Variants in ZBTB48 observed in about 807,000 individuals in gnomAD.
ZBTB48 encodes the protein zinc finger and BTB domain containing 48.
In ZBTB48, 35 loss-of-function variants were observed where a neutral mutation model predicts 64.5. The ratio of observed to expected loss-of-function variants is 0.54; its 90% CI spans 0.41 to 0.72. The LOEUF (loss-of-function observed/expected upper bound fraction) is 0.72. Ranked by LOEUF, ZBTB48 falls within the 30% of genes least tolerant of loss-of-function variation. ZBTB48 has a pLI of 0.00. For missense variants in ZBTB48, 828 were observed against 895.3 expected (o/e 0.92, Z 0.96); for synonymous variants, 442 against 356.7 (o/e 1.24, Z -2.70).
At chr1:6,586,095 C>A in intron 4 of ZBTB48, 65 bp downstream of exon 4, 1 of 1,504,358 alleles carries the variant, frequency 6.6e-7, no homozygotes, top group Admixed American at 1.7e-5. Flanking sequence ...TTCGTGCCAT[C>A]CGGGAAGGGC....
chr1:6,581,442 A>C, intron 2 of ZBTB48, 143 bp downstream of exon 2: 1 of 923,768 alleles, frequency 1.1e-6, no homozygotes, highest in Non-Finnish European at 1.6e-6. Context: ...GGGGTGGATC[A>C]CTTTAGCTTG....
rs984024950 is a variant in ZBTB48, at chr1:6,588,173, G to T, written c.1493G>T (p.Cys498Phe). 2 of 1,614,106 alleles carry T rather than the reference G, an allele frequency of 1.2e-6. No individual in the cohort carries two copies. The highest frequency in any genetic ancestry group is 1.7e-6 in the Non-Finnish European group (2 of 1,180,038). Residue 498 changes from cysteine to phenylalanine, a missense_variant, in exon 8 of 11, where the codon TGT becomes TTT. By Grantham distance (205) the Cys-to-Phe change is radical. Transcript: ENST00000377674. ...GAGAAGCCCTTCCAGTGCCACCTCT[G>T]TGGCAAGACCTTCCGAACCCAAGGT... ...TGEKPFQCHL[C>F]GKTFRTQASL... is the part of the protein sequence containing the mutation.
At position 6,588,950 on chromosome 1, in the gene ZBTB48, G is replaced by T; in HGVS notation, c.1805G>T (p.Arg602Leu). The change falls in exon 11 of 11, where the codon CGG (arginine) becomes CTG (leucine). Residue 602 changes from arginine (R) to leucine (L), a missense_variant. Transcript: ENST00000377674. ...HLRRHMEIHD[R>L]VENYNPRQRK... ...CGGAGGCACATGGAGATCCACGACC[G>T]GGTAGAGAACTACAACCCGCGGCAG... 1 of 1,609,440 alleles carries T rather than the reference G, an allele frequency of 6.2e-7. No individual in the cohort carries two copies. Among genetic ancestry groups the T allele is most frequent in the Non-Finnish European group, 8.5e-7 (1 of 1,177,186 alleles).
rs1456912364 is a variant in ZBTB48, at chr1:6,587,590, C to T, written c.1337C>T (p.Ser446Leu). The part of the protein sequence containing the change: ...FVCEECGHRA[S>L]SRNGLQMHIK... Reference sequence around the variant, plus strand: ...TGTGAGGAGTGTGGGCACCGGGCCTCGAGCCGGAATGGCCTGCAGATGCAC... The same window carrying T: ...TGTGAGGAGTGTGGGCACCGGGCCTTGAGCCGGAATGGCCTGCAGATGCAC... Residue 446 changes from serine to leucine, a missense_variant, in exon 7 of 11, where the codon TCG (serine) becomes TTG (leucine). Physicochemically the swap from Ser to Leu is moderately radical, Grantham distance 145. Transcript: ENST00000377674. 26 of 1,613,676 alleles carry T rather than the reference C, an allele frequency of 1.6e-5. No homozygotes were observed. Among genetic ancestry groups the T allele is most frequent in the African/African-American group, 2.7e-5 (2 of 74,936 alleles).
At chr1:6,588,245 G>T (rs752167452) in intron 8 of ZBTB48, 33 bp from the exon 9 acceptor site, 10 of 1,611,574 alleles carry the variant, frequency 6.2e-6, no homozygotes, top group Non-Finnish European at 8.5e-6. Flanking sequence ...TGAGGCCAAG[G>T]CCACAGGCTG....
chr1:6,580,784 T>C lies in ZBTB48; in HGVS notation c.175T>C (p.Ser59Pro), dbSNP rs1452134908. 2 of 1,614,202 alleles carry C rather than the reference T, an allele frequency of 1.2e-6. No individual in the cohort carries two copies. Among genetic ancestry groups the C allele is most frequent in the Non-Finnish European group, 8.5e-7 (1 of 1,180,044 alleles). The change falls in exon 2 of 11, where the codon TCA becomes CCA. Residue 59 changes from serine to proline, a missense_variant. Coordinates refer to ENST00000377674, the MANE Select transcript of ZBTB48 (RefSeq NM_005341.4). This position sits in a 1 kb window ranked among gnomAD's most constrained non-coding sequence, Gnocchi z 5.2. The stretch of plus-strand genomic sequence containing the variant: ...TTTCCAGAGCCTCTACGGGGATGGC[T>C]CAGGGGGCAGTGTCGTCCTCCCTGC... ...HFFQSLYGDG[S>P]GGSVVLPAGF...
Position 6,584,064 on chromosome 1 carries a change from G to T in ZBTB48, c.932+1765G>T, listed in dbSNP as rs959739060. 1.3e-5 allele frequency among the ~76,000 whole-genome samples: 2 copies of T among 152,058 alleles called. No homozygotes were observed. Among genetic ancestry groups the T allele is most frequent in the African/African-American group, 4.8e-5 (2 of 41,414 alleles). On this transcript the variant is annotated intron_variant, in intron 3 of 10. Transcript: ENST00000377674. This position sits in a 1 kb window ranked among gnomAD's most constrained non-coding sequence, Gnocchi z 4.5. Reference sequence around the variant, plus strand: ...CCCAAAGTGCTGGGATTACAGGCGTGAGCCACCGTGCCCAGCCATTTTTTT... The same window carrying T: ...CCCAAAGTGCTGGGATTACAGGCGTTAGCCACCGTGCCCAGCCATTTTTTT...
chr1:6,584,776 G>A lies in ZBTB48; in HGVS notation c.933-1143G>A, dbSNP rs1218006431. ...TGGCTTCATGAAGTCATTTTGATGG[G>A]GGATGAAGATAGTTGCTGTAGAGGA... On this transcript the variant is annotated intron_variant, in intron 3 of 10. Transcript: ENST00000377674. This position sits in a 1 kb window ranked among gnomAD's most constrained non-coding sequence, Gnocchi z 4.5. Among the ~76,000 whole-genome samples the A allele has an allele frequency of 6.6e-6, 1 of 152,194 alleles. No individual in the cohort carries two copies. Among genetic ancestry groups the A allele is most frequent in the African/African-American group, 2.4e-5 (1 of 41,444 alleles).
rs767180942 is a variant in ZBTB48, at chr1:6,586,721, G to A, written c.1071G>A (p.Glu357=). 23 of 1,574,090 alleles carry A rather than the reference G, an allele frequency of 1.5e-5. No individual in the cohort carries two copies. The Middle Eastern group carries it at 1.0e-3, about 70-fold the overall frequency. ...TCTTCACGTGCTCTGTGTGCCAGGA[G>A]ACATTCCGCCGAAGGATGGAGCTGC... ...EQVFTCSVCQ[E]TFRRRMELRV... The change falls in exon 5 of 11, where the codon GAG becomes GAA. Residue 357 remains glutamate, a synonymous_variant. Coordinates refer to ENST00000377674, the MANE Select transcript of ZBTB48 (RefSeq NM_005341.4).
chr1:6,582,351 G>A, intron 3 of ZBTB48, 52 bp downstream of exon 3: 1 of 1,585,734 alleles, frequency 6.3e-7, no homozygotes, highest in South Asian at 1.2e-5. Context: ...TCCCACGTTG[G>A]GGGAGGGGTC....
intron 2 of ZBTB48, 48 bp downstream of exon 2, chr1:6,581,347 G>C: frequency 6.6e-7 from 1 of 1,516,894 alleles, no homozygotes. Flanking sequence ...AGAGGGAATA[G>C]ACACTTTTTT....
chr1:6,586,477 C>T, intron 4 of ZBTB48: 3 of 976,872 alleles, frequency 3.1e-6, no homozygotes, highest in Admixed American at 6.7e-5. Context: ...ACCCTGCCCC[C>T]AGTCTGTCTG....
rs763998811 is a variant in ZBTB48, at chr1:6,588,753, C to T, written c.1682-3C>T. 1.9e-5 allele frequency: 31 copies of T among 1,614,046 alleles called. No individual in the cohort carries two copies. The highest frequency in any genetic ancestry group is 4.5e-5 in the East Asian group (2 of 44,890). ...ATCCCCCACGGTGTTCTCCCTCTTGCAGCCGTGGAGCAACTGCGTGTGCAC... is the reference window on the plus strand; with the variant it reads ...ATCCCCCACGGTGTTCTCCCTCTTGTAGCCGTGGAGCAACTGCGTGTGCAC... On this transcript the variant is annotated splice_polypyrimidine_tract_variant and splice_region_variant and intron_variant, in intron 9 of 10. Transcript: ENST00000377674.
At chr1:6,586,070 A>G (rs1266057099) in intron 4 of ZBTB48, 40 bp downstream of exon 4, 1 of 1,596,568 alleles carries the variant, frequency 6.3e-7, no homozygotes. Flanking sequence ...GGCAGGGCAC[A>G]CTGGCCTCTC....
chr1:6,580,540 G>A lies in ZBTB48; in HGVS notation c.-69-1G>A, dbSNP rs1466331361. 4.7e-6 allele frequency: 7 copies of A among 1,499,190 alleles called. No individual in the cohort carries two copies. Among genetic ancestry groups the A allele is most frequent in the Middle Eastern group, 2.4e-4 (1 of 4,094 alleles). The allele number at this position is 1,499,190 out of a possible 1,614,324, so 92.9% of individuals were successfully genotyped here. ...TTCCCGTTTCTCTCTCTTGACTCCA[G>A]GAGCTTTCTCTTGCATACCCTCGCT... On this transcript the variant is annotated splice_acceptor_variant, in intron 1 of 10. Coordinates refer to ENST00000377674, the MANE Select transcript of ZBTB48 (RefSeq NM_005341.4). LOFTEE classifies it low-confidence loss of function (5UTR_SPLICE). The surrounding 1 kb of genome is among the most constrained non-coding windows in gnomAD (Gnocchi z 5.2).
chr1:6,587,083 G>C, intron 5 of ZBTB48, 122 bp from the exon 6 acceptor site: 4 of 1,099,278 alleles, frequency 3.6e-6, no homozygotes, highest in Non-Finnish European at 5.5e-6. Context: ...ACCAGATCAG[G>C]GGTCCTCCCA....
At position 6,588,903 on chromosome 1, in the gene ZBTB48, C is replaced by G. The variant is rs748876841; in HGVS notation, c.1771-13C>G. 6.2e-7 allele frequency: 1 copy of G among 1,613,618 alleles called. No homozygotes were observed. On this transcript the variant is annotated splice_polypyrimidine_tract_variant and intron_variant, in intron 10 of 10. Transcript: ENST00000377674. ...AGGATCCCCCAAAGTTCTGAGCTCA[C>G]CCTCCCCGCCAGGCCCACCTGCGGA...
intron 6 of ZBTB48, 92 bp downstream of exon 6, chr1:6,587,383 T>G: frequency 6.2e-7 from 1 of 1,608,624 alleles, no homozygotes; most frequent in Non-Finnish European, 8.5e-7. Flanking sequence ...GTACTTTCTG[T>G]TGTTCGGGGG....
chr1:6,581,146 C>T lies in ZBTB48; in HGVS notation c.537C>T (p.Ser179=), dbSNP rs1339715075. 1 of 1,613,376 alleles carries T rather than the reference C, an allele frequency of 6.2e-7. No individual in the cohort carries two copies. Among genetic ancestry groups the T allele is most frequent in the African/African-American group, 1.3e-5 (1 of 74,926 alleles). The change falls in exon 2 of 11, where the codon TCC becomes TCT. Residue 179 remains serine (S), a synonymous_variant. Transcript: ENST00000377674. The stretch of plus-strand genomic sequence containing the variant: ...GTCCTCAGAGGCCCCAGCTCCATTC[C>T]CCAGCTCAGAGTGAGGGCCCCTCCT... ...SHSPQRPQLH[S]PAQSEGPSSL...
Sources: allele counts gnomAD v4.1 joint callset (sites outside exome capture counted in the v4.1 genomes callset), GRCh38; gene constraint gnomAD v4.1.1; non-coding constraint Gnocchi (gnomAD v3.1); transcripts MANE v1.5; gene names NCBI Gene and HGNC (gene_info 2026-07-23, HGNC 2026-07-21).